Variants in NCKAP1L observed in about 807,000 individuals in gnomAD.
NCKAP1L encodes the protein NCK associated protein 1 like, also known as nck-associated protein 1-like.
Under a neutral mutation model 139.2 loss-of-function variants are expected in NCKAP1L, and 53 were observed. The ratio of observed to expected loss-of-function variants is 0.38; its 90% CI spans 0.31 to 0.48. The LOEUF is 0.48. Ranked by LOEUF, NCKAP1L falls within the 20% of genes least tolerant of loss-of-function variation. The probability of loss-of-function intolerance (pLI) is 0.98; values close to 1 mark genes in which losing one functional copy is unlikely to be tolerated. For missense variants in NCKAP1L, 1,151 were observed against 1,381.9 expected (o/e 0.83, Z 2.65); for synonymous variants, 468 against 499.7 (o/e 0.94, Z 0.85).
Position 54,532,195 on chromosome 12 carries a change from T to C in NCKAP1L, c.2807T>C (p.Leu936Pro). ...GTTTTCTCCTCCCACTGCCCATTTC[T>C]TATGGGTCCCATTGAGTGCTTGAAG... ...REVFSSHCPF[L>P]MGPIECLKEF... The change falls in exon 26 of 31, where the codon CTT (leucine) becomes CCT (proline). Residue 936 changes from leucine (L) to proline (P), a missense_variant. By Grantham distance (98) the Leu-to-Pro change is moderately conservative. Transcript: ENST00000293373. 6.2e-7 allele frequency: 1 copy of C among 1,613,534 alleles called. No individual in the cohort carries two copies. The highest frequency in any genetic ancestry group is 8.5e-7 in the Non-Finnish European group (1 of 1,179,656).
At chr12:54,528,999 T>C (rs1366606260) in intron 22 of NCKAP1L, among the ~76,000 whole-genome samples, 3 of 152,186 alleles carry the variant, frequency 2.0e-5, no homozygotes, top group East Asian at 3.9e-4. Flanking sequence ...TGATGTTTAA[T>C]AATAACGATG....
chr12:54,521,043 G>A, intron 17 of NCKAP1L, 76 bp from the exon 18 acceptor site: 1 of 1,597,878 alleles, frequency 6.3e-7, no homozygotes. Context: ...TCAGGCAAGG[G>A]ATGAGAGCAG....
At chr12:54,521,450 A>G (rs1042254783) in intron 18 of NCKAP1L, among the ~76,000 whole-genome samples, 1 of 152,194 alleles carries the variant, frequency 6.6e-6, no homozygotes, top group African/African-American at 2.4e-5. Context: ...AGAAGTGTCT[A>G]AAAATACTCT....
chr12:54,527,648 A>G (rs1355031322), intron 21 of NCKAP1L, among the ~76,000 whole-genome samples: 1 of 152,174 alleles, frequency 6.6e-6, no homozygotes, highest in East Asian at 1.9e-4. Context: ...AGGAAAAAAA[A>G]AGTTTGACTG....
Position 54,529,366 on chromosome 12 carries a change from A to C in NCKAP1L, c.2506+989A>C, listed in dbSNP as rs562294036. On this transcript the variant is annotated intron_variant, in intron 22 of 30. Coordinates refer to ENST00000293373, the MANE Select transcript of NCKAP1L (RefSeq NM_005337.5). ...TTTCTCAAGAGGGTTTGAAACTACA[A>C]GATCCTTTTTAATAGGTTTGTTTTT... Among the ~76,000 whole-genome samples the C allele has an allele frequency of 3.9e-5, 6 of 152,300 alleles. No homozygotes were observed. In the East Asian group the frequency reaches 1.2e-3, roughly 29 times the overall value.
chr12:54,516,837 C>G, intron 10 of NCKAP1L, 59 bp from the exon 11 acceptor site: 1 of 1,431,950 alleles, frequency 7.0e-7, no homozygotes, highest in Non-Finnish European at 9.8e-7. Context: ...TCTGTGCTGC[C>G]TGTGGAGGGT....
chr12:54,529,208 C>G (rs1450853497), intron 22 of NCKAP1L, among the ~76,000 whole-genome samples: 2 of 152,102 alleles, frequency 1.3e-5, no homozygotes, highest in African/African-American at 4.8e-5. Flanking sequence ...GAGTTCGACT[C>G]CAGGCAGTCA....
At chr12:54,529,111 T>C (rs985559740) in intron 22 of NCKAP1L, among the ~76,000 whole-genome samples, 1 of 152,208 alleles carries the variant, frequency 6.6e-6, no homozygotes, top group Non-Finnish European at 1.5e-5. Context: ...TAGATACACT[T>C]ATTCCCGTTT....
At chr12:54,503,810 TGTATTTTTA>T (rs1401933757) in intron 3 of NCKAP1L, among the ~76,000 whole-genome samples, 1 of 152,024 alleles carries the variant, frequency 6.6e-6, no homozygotes, top group African/African-American at 2.4e-5. Flanking sequence ...CGTTAATTTT[TGTATTTTTA>T]GTAGAGATGG....
In NCKAP1L at chr12:54,544,934, G is replaced by T. The variant is rs1957187140; in HGVS notation, c.*2249G>T. The stretch of plus-strand genomic sequence containing the variant: ...AATAACTTGATCCCGGGAGGCGGAG[G>T]TTGCAGTAAGCTAAGATCCTGCCAC... On this transcript the variant is annotated 3_prime_UTR_variant, in exon 31 of 31. Coordinates refer to ENST00000293373, the MANE Select transcript of NCKAP1L (RefSeq NM_005337.5). The T allele has an allele frequency of 6.6e-6, 1 of 152,186 alleles. No homozygotes were observed. The highest frequency in any genetic ancestry group is 2.4e-5 in the African/African-American group (1 of 41,438). The allele number at this position is 152,186 out of a possible 1,614,324, so 9.4% of individuals were successfully genotyped here. A position where few individuals can be genotyped will look rare whatever the true frequency, so the allele number is the denominator to read the frequency against.
rs1358925263 is a variant in NCKAP1L, at chr12:54,546,772, G to C, written c.*4087G>C. 6.6e-6 allele frequency: 1 copy of C among 152,420 alleles called. No individual in the cohort carries two copies. The highest frequency in any genetic ancestry group is 6.5e-5 in the Admixed American group (1 of 15,282). 9.4% of individuals were successfully genotyped at this position (152,420 alleles called of 1,614,324 possible). A position where few individuals can be genotyped will look rare whatever the true frequency, so the allele number is the denominator to read the frequency against. On this transcript the variant is annotated 3_prime_UTR_variant, in exon 31 of 31. Transcript: ENST00000293373. ...TCCCTCCCACTTGAATAGGAAGCAG[G>C]AGCAGCAGGCCAGGTTGCAGGTTGA... is the stretch of plus-strand genomic sequence containing the variant.
chr12:54,533,111 G>A (rs531144971), intron 26 of NCKAP1L, among the ~76,000 whole-genome samples: 1 of 152,358 alleles, frequency 6.6e-6, no homozygotes, highest in African/African-American at 2.4e-5. Context: ...TGTGGGGGCA[G>A]TGAGGGGGCA....
Position 54,523,523 on chromosome 12 carries a change from C to T in NCKAP1L, c.2008C>T (p.Arg670Cys), listed in dbSNP as rs1445592768. The change falls in exon 19 of 31, where the codon CGC becomes TGC. Residue 670 changes from arginine (R) to cysteine (C), a missense_variant. By Grantham distance (180) the Arg-to-Cys change is radical. Transcript: ENST00000293373. ...KPGAESHRKN[R>C]SIVTNMDKLH... ...AGGAGCTGAGAGTCACCGGAAGAAC[C>T]GCAGCATTGTCACCAAGTGAGGACC... is the stretch of plus-strand genomic sequence containing the variant. 4.3e-6 allele frequency: 7 copies of T among 1,613,398 alleles called. No homozygotes were observed. Among genetic ancestry groups the T allele is most frequent in the Non-Finnish European group, 5.9e-6 (7 of 1,179,824 alleles).
chr12:54,542,738 A>G lies in NCKAP1L; in HGVS notation c.*53A>G, dbSNP rs1957168396. On this transcript the variant is annotated 3_prime_UTR_variant, in exon 31 of 31. Coordinates refer to ENST00000293373, the MANE Select transcript of NCKAP1L (RefSeq NM_005337.5). ...CTTTGGACCTTCCTAAACCCTTGCC[A>G]TAGTGGAAGCTGTGGTCACTTTCGC... 5 of 907,722 alleles carry G rather than the reference A, an allele frequency of 5.5e-6. No homozygotes were observed. The Admixed American group carries it at 7.6e-5, about 14-fold the overall frequency. The allele number at this position is 907,722 out of a possible 1,614,324, so 56.2% of individuals were successfully genotyped here. A position where few individuals can be genotyped will look rare whatever the true frequency, so the allele number is the denominator to read the frequency against.
At chr12:54,500,675 ATTCT>A (rs771551650) in intron 3 of NCKAP1L, 50 bp downstream of exon 3, 9 of 1,173,178 alleles carry the variant, frequency 7.7e-6, no homozygotes, top group East Asian at 7.0e-5. Flanking sequence ...TTCAGAGGCT[ATTCT>A]TTCTTTAGAT....
chr12:54,542,703 C>T lies in NCKAP1L; in HGVS notation c.*18C>T. On this transcript the variant is annotated 3_prime_UTR_variant, in exon 31 of 31. Transcript: ENST00000293373. ...TAAACTGAATGCCTGCCAGTACCCA[C>T]TGAAGAGCCCTTTGGACCTTCCTAA... 1 of 1,557,778 alleles carries T rather than the reference C, an allele frequency of 6.4e-7. No individual in the cohort carries two copies. The highest frequency in any genetic ancestry group is 8.8e-7 in the Non-Finnish European group (1 of 1,133,408).
At chr12:54,498,725 A>G in intron 1 of NCKAP1L, 1 of 910,104 alleles carries the variant, frequency 1.1e-6, no homozygotes, top group South Asian at 5.0e-5. Context: ...ACTCCTGAGC[A>G]GCTGCTTTTC....
chr12:54,537,237 G>T (rs1201628079), intron 29 of NCKAP1L, among the ~76,000 whole-genome samples, 184 bp downstream of exon 29: 1 of 152,146 alleles, frequency 6.6e-6, no homozygotes, highest in Admixed American at 6.5e-5. Flanking sequence ...CTAACAGCTG[G>T]TGTTTCAGCC....
At position 54,544,881 on chromosome 12, in the gene NCKAP1L, C is replaced by T. The variant is rs955077674; in HGVS notation, c.*2196C>T. On this transcript the variant is annotated 3_prime_UTR_variant, in exon 31 of 31. Transcript: ENST00000293373. ...GGGCGTGGTGGTGCATGCCTGTAGT[C>T]CCACTACTCAGGAGGCTGAGGCAGC... is the stretch of plus-strand genomic sequence containing the variant. The T allele has an allele frequency of 6.6e-6, 1 of 152,212 alleles. No homozygotes were observed. The highest frequency in any genetic ancestry group is 1.5e-5 in the Non-Finnish European group (1 of 68,054). 9.4% of individuals were successfully genotyped at this position (152,212 alleles called of 1,614,324 possible). A position where few individuals can be genotyped will look rare whatever the true frequency, so the allele number is the denominator to read the frequency against.
Sources: gnomAD v4.1 joint callset for allele counts (sites outside exome capture counted in the v4.1 genomes callset) on GRCh38, gnomAD v4.1.1 for gene constraint, MANE v1.5 for transcripts, NCBI Gene and HGNC (gene_info 2026-07-23, HGNC 2026-07-21) for gene names.